The following CNTNAP2 variants were observed in gnomAD, a reference collection of about 807,000 sequenced individuals.
CNTNAP2 encodes contactin-associated protein-like 2.
Under a neutral mutation model 155.2 loss-of-function variants are expected in CNTNAP2, and 98 were observed. The observed-to-expected ratio is 0.63, with a 90% CI of 0.54 to 0.75. The LOEUF (loss-of-function observed/expected upper bound fraction) is 0.75. Among genes scored for constraint, CNTNAP2 ranks in the 30% least tolerant of loss-of-function variants. The probability of loss-of-function intolerance (pLI) is 0.00; values close to 1 mark genes in which losing one functional copy is unlikely to be tolerated. For missense variants in CNTNAP2, 1,727 were observed against 1,688.1 expected, an observed-to-expected ratio of 1.02 and a Z score of -0.40; for synonymous variants, 651 against 631.2, an observed-to-expected ratio of 1.03 and a Z score of -0.47.
At chr7:146,654,101 C>T (rs751210306) in intron 1 of CNTNAP2, among the ~76,000 whole-genome samples, 1 of 151,958 alleles carries the variant, frequency 6.6e-6, no homozygotes, top group African/African-American at 2.4e-5. Context: ...TTTTCTTACC[C>T]ATTTGGTCTT....
chr7:147,162,959 G>A (rs961398929), intron 8 of CNTNAP2, among the ~76,000 whole-genome samples: 4 of 152,062 alleles, frequency 2.6e-5, no homozygotes, highest in Non-Finnish European at 5.9e-5. Context: ...ACTTCATCCT[G>A]GACCAGCAGC....
chr7:146,454,954 C>T (rs151162902), intron 1 of CNTNAP2, among the ~76,000 whole-genome samples: 467 of 152,222 alleles, frequency 3.1e-3, no homozygotes, highest in Middle Eastern at 0.01. Context: ...ATAGCCAGTC[C>T]GTATATGGCT....
At chr7:148,278,288 C>CCAGCG (rs1796911341) in intron 21 of CNTNAP2, among the ~76,000 whole-genome samples, 1 of 151,912 alleles carries the variant, frequency 6.6e-6, no homozygotes, top group Non-Finnish European at 1.5e-5. Context: ...CTGAGTAGGC[C>CCAGCG]CGGCTCGGTG....
intron 10 of CNTNAP2, among the ~76,000 whole-genome samples, chr7:147,469,506 A>AT (rs71527812): frequency 0.015 from 1,175 of 79,110 alleles, 143 homozygotes; most frequent in South Asian, 0.021. Flanking sequence ...TCAGGCTGCA[A>AT]TTTTTTTTTT....
intron 1 of CNTNAP2, among the ~76,000 whole-genome samples, chr7:146,440,928 T>C (rs1796311611): frequency 6.6e-6 from 1 of 151,606 alleles, no homozygotes; most frequent in Non-Finnish European, 1.5e-5. Context: ...ATACGTAATG[T>C]GATTGTTGAT....
chr7:146,606,860 CA>C (rs1799056579), intron 1 of CNTNAP2, among the ~76,000 whole-genome samples: 1 of 152,112 alleles, frequency 6.6e-6, no homozygotes, highest in East Asian at 1.9e-4. Context: ...TCCCTGATGT[CA>C]AGGAGCTGTC....
intron 1 of CNTNAP2, among the ~76,000 whole-genome samples, chr7:146,732,483 C>T (rs1434553491): frequency 6.6e-6 from 1 of 152,002 alleles, no homozygotes; most frequent in Non-Finnish European, 1.5e-5. Context: ...GTTGGAATTG[C>T]CTTCTTCATT....
intron 3 of CNTNAP2, among the ~76,000 whole-genome samples, chr7:146,844,724 G>A (rs771212132): frequency 3.9e-5 from 6 of 152,060 alleles, no homozygotes; most frequent in Non-Finnish European, 8.8e-5. Context: ...TATTTTGTAG[G>A]ATAGGAACAT....
At chr7:148,235,612 TTGTG>T (rs1413257734) in intron 20 of CNTNAP2, among the ~76,000 whole-genome samples, 2 of 152,116 alleles carry the variant, frequency 1.3e-5, no homozygotes, top group Non-Finnish European at 2.9e-5. Context: ...AGGCTCTTCC[TTGTG>T]TGTGTTCAGC....
chr7:146,247,058 A>G (rs555335165), intron 1 of CNTNAP2, among the ~76,000 whole-genome samples: 4 of 152,282 alleles, frequency 2.6e-5, no homozygotes, highest in Non-Finnish European at 5.9e-5. Context: ...AGTTGTATTT[A>G]ATGTCGGGAG....
Position 148,377,639 on chromosome 7 carries a change from CA to C in CNTNAP2, c.3476-6009del, listed in dbSNP as rs1326623464. Among the ~76,000 whole-genome samples, 2 of 66,838 alleles carry C rather than the reference CA, an allele frequency of 3.0e-5. 1 individual carries two copies. The highest frequency in any genetic ancestry group is 8.4e-5 in the Non-Finnish European group (2 of 23,910). 43.8% of individuals were successfully genotyped at this position (66,838 alleles called of 152,430 possible). A position where few individuals can be genotyped will look rare whatever the true frequency, so the allele number is the denominator to read the frequency against. On this transcript the variant is annotated intron_variant, in intron 21 of 23. Coordinates refer to ENST00000361727, the MANE Select transcript of CNTNAP2 (RefSeq NM_014141.6). The stretch of plus-strand genomic sequence containing the variant: ...CCTGGTTATGTTCTGCACCTGTTTA[CA>C]CTATGAAGCTGAAAAACAAACTTTG...
chr7:148,356,798 G>GT (rs1798524146), intron 21 of CNTNAP2, among the ~76,000 whole-genome samples: 1 of 151,648 alleles, frequency 6.6e-6, no homozygotes, highest in East Asian at 1.9e-4. Flanking sequence ...CAAGACAGCT[G>GT]TAAGTCTCCT....
chr7:146,610,447 T>C (rs1308152539), intron 1 of CNTNAP2, among the ~76,000 whole-genome samples: 1 of 152,080 alleles, frequency 6.6e-6, no homozygotes, highest in Non-Finnish European at 1.5e-5. Flanking sequence ...TGGAGTGCAA[T>C]GGGATAATGC....
chr7:146,285,159 C>T (rs1800306562), intron 1 of CNTNAP2, among the ~76,000 whole-genome samples: 1 of 152,008 alleles, frequency 6.6e-6, no homozygotes, highest in Non-Finnish European at 1.5e-5. Flanking sequence ...TTAAAATTGT[C>T]CTCCCTTTAC....
At chr7:146,780,723 G>C (rs549057523) in intron 2 of CNTNAP2, among the ~76,000 whole-genome samples, 1 of 151,932 alleles carries the variant, frequency 6.6e-6, no homozygotes, top group African/African-American at 2.4e-5. Flanking sequence ...TCCTTTGCAG[G>C]GACATGGATG....
At chr7:147,807,515 A>G (rs1488103851) in intron 13 of CNTNAP2, among the ~76,000 whole-genome samples, 1 of 152,142 alleles carries the variant, frequency 6.6e-6, no homozygotes, top group Non-Finnish European at 1.5e-5. Context: ...AAAAAAAATT[A>G]AAGCTAAATT....
At chr7:147,337,363 C>G (rs35444249) in intron 9 of CNTNAP2, among the ~76,000 whole-genome samples, 33,363 of 151,928 alleles carry the variant, frequency 0.22, 4,155 homozygotes, top group Non-Finnish European at 0.28. Flanking sequence ...AATTGCTGAG[C>G]TAAAGCATTT....
At chr7:146,391,275 G>T (rs1005294998) in intron 1 of CNTNAP2, among the ~76,000 whole-genome samples, 2 of 151,750 alleles carry the variant, frequency 1.3e-5, no homozygotes, top group Non-Finnish European at 2.9e-5. Context: ...AATAAACAAA[G>T]CAGCCTACTG....
chr7:146,762,625 G>T (rs1227403813), intron 1 of CNTNAP2, among the ~76,000 whole-genome samples: 2 of 152,080 alleles, frequency 1.3e-5, no homozygotes, highest in East Asian at 1.9e-4. Flanking sequence ...AACAAAAAAA[G>T]AATCCCTGTA....
Sources: gnomAD v4.1 joint callset for allele counts (sites outside exome capture counted in the v4.1 genomes callset) on GRCh38, gnomAD v4.1.1 for gene constraint, MANE v1.5 for transcripts, NCBI Gene and HGNC (gene_info 2026-07-23, HGNC 2026-07-21) for gene names.